GRAMD2B: variants seen among roughly 807,000 people sequenced by gnomAD.
The protein encoded by GRAMD2B is GRAM domain containing 2B, also known as GRAM domain-containing protein 2B.
GRAMD2B carries 41 observed loss-of-function variants against 59.2 expected under a neutral mutation model. That is an observed-to-expected ratio of 0.69 (90% CI 0.54 to 0.90). The LOEUF (loss-of-function observed/expected upper bound fraction) is 0.90. GRAMD2B is among the 40% of genes least tolerant of loss of function. GRAMD2B has a pLI of 0.00. For missense variants in GRAMD2B, 424 were observed against 500.5 expected, an observed-to-expected ratio of 0.85 and a Z score of 1.46; for synonymous variants, 161 against 182.7, an observed-to-expected ratio of 0.88 and a Z score of 0.96.
In GRAMD2B at chr5:126,494,061, C is replaced by T. The variant is rs975353751; in HGVS notation, c.*1105C>T. The T allele has an allele frequency of 3.3e-5, 5 of 152,522 alleles. No individual in the cohort carries two copies. In the South Asian group the frequency reaches 6.2e-4, roughly 19 times the overall value. The allele number at this position is 152,522 out of a possible 1,614,324, so 9.4% of individuals were successfully genotyped here. A position where few individuals can be genotyped will look rare whatever the true frequency, so the allele number is the denominator to read the frequency against. On this transcript the variant is annotated 3_prime_UTR_variant, in exon 14 of 14. Transcript: ENST00000285689. The stretch of plus-strand genomic sequence containing the variant: ...TTATTTAATCAGATAAGCTAATAAG[C>T]GAATTGGTTACATCGTTTGTATCTG...
At chr5:126,398,936 A>G (rs905870749) in intron 1 of GRAMD2B, among the ~76,000 whole-genome samples, 1 of 152,164 alleles carries the variant, frequency 6.6e-6, no homozygotes, top group African/African-American at 2.4e-5. Context: ...CTCTAGTTTC[A>G]TTCCATTGTG....
chr5:126,470,851 C>T (rs2126823994), intron 3 of GRAMD2B, among the ~76,000 whole-genome samples: 1 of 152,310 alleles, frequency 6.6e-6, no homozygotes, highest in East Asian at 1.9e-4. Context: ...TGAGCCACCG[C>T]ACTCAGCCTG....
At chr5:126,477,190 T>C (rs193026018) in intron 5 of GRAMD2B, among the ~76,000 whole-genome samples, 9 of 152,272 alleles carry the variant, frequency 5.9e-5, no homozygotes, top group Non-Finnish European at 1.2e-4. Context: ...TTTGGATTTA[T>C]GATTTTCAGA....
intron 1 of GRAMD2B, among the ~76,000 whole-genome samples, chr5:126,410,915 G>A (rs1039656212): frequency 2.0e-5 from 3 of 152,010 alleles, no homozygotes; most frequent in African/African-American, 7.2e-5. Flanking sequence ...CTTCTTTTGA[G>A]AAGTATCTGG....
intron 1 of GRAMD2B, among the ~76,000 whole-genome samples, chr5:126,456,074 T>G (rs1053870676): frequency 3.9e-5 from 6 of 152,248 alleles, no homozygotes; most frequent in Non-Finnish European, 5.9e-5. Context: ...CCACTCTGTA[T>G]CTCACATCTT....
intron 13 of GRAMD2B, among the ~76,000 whole-genome samples, chr5:126,489,427 G>A (rs79399502): frequency 0.02 from 3,071 of 152,346 alleles, 39 homozygotes; most frequent in Middle Eastern, 0.065. Context: ...GCAGACGTGA[G>A]TCTGCTGAGA....
upstream of GRAMD2B, among the ~76,000 whole-genome samples, chr5:126,420,614 A>AAT (rs202207785): frequency 8.3e-3 from 1,263 of 152,334 alleles, 22 homozygotes; most frequent in African/African-American, 0.029. Flanking sequence ...TTGAGCCATA[A>AAT]GCCCATGCTA....
Position 126,484,484 on chromosome 5 carries a change from C to T in GRAMD2B, c.930C>T (p.Asn310=). The T allele has an allele frequency of 1.2e-6, 2 of 1,614,092 alleles. No homozygotes were observed. The highest frequency in any genetic ancestry group is 1.7e-6 in the Non-Finnish European group (2 of 1,180,012). Residue 310 remains asparagine (N), a synonymous_variant, in exon 10 of 14, where the codon AAC becomes AAT. Transcript: ENST00000285689. ...AKPTRADAHV[N]RVPEGKAKSL... ...CAACTCGGGCAGATGCCCATGTGAACAGAGTACCTGAAGGAAAAGCCAAGA... is the reference window on the plus strand; with the variant it reads ...CAACTCGGGCAGATGCCCATGTGAATAGAGTACCTGAAGGAAAAGCCAAGA...
intron 10 of GRAMD2B, 49 bp from the exon 11 acceptor site, chr5:126,485,637 G>A (rs376324601): frequency 8.7e-7 from 1 of 1,155,990 alleles, no homozygotes. Flanking sequence ...CTGGATAAAA[G>A]AAGTGTGTTA....
intron 8 of GRAMD2B, 40 bp from the exon 9 acceptor site, chr5:126,483,423 G>A (rs1772252080): frequency 7.9e-7 from 1 of 1,258,772 alleles, no homozygotes; most frequent in African/African-American, 1.5e-5. Flanking sequence ...TGTTTACTAA[G>A]GGAATATCAG....
chr5:126,486,670 G>A (rs564986290), intron 11 of GRAMD2B, among the ~76,000 whole-genome samples: 86 of 152,250 alleles, frequency 5.6e-4, no homozygotes, highest in African/African-American at 2.0e-3. Context: ...AAGGGACTTG[G>A]GCTAGAGGAT....
chr5:126,387,104 A>G (rs942205904), intron 1 of GRAMD2B, among the ~76,000 whole-genome samples: 3 of 152,154 alleles, frequency 2.0e-5, no homozygotes, highest in Non-Finnish European at 4.4e-5. Context: ...CCAAACTTGA[A>G]GAGTCAAAAA....
chr5:126,457,534 G>A (rs1355870786), intron 1 of GRAMD2B, among the ~76,000 whole-genome samples: 3 of 151,932 alleles, frequency 2.0e-5, no homozygotes, highest in Non-Finnish European at 4.4e-5. Context: ...AGGAGACTGA[G>A]GCAGAAGAAT....
At chr5:126,413,039 T>C (rs1758954022) in intron 1 of GRAMD2B, among the ~76,000 whole-genome samples, 3 of 152,102 alleles carry the variant, frequency 2.0e-5, no homozygotes, top group South Asian at 4.1e-4. Flanking sequence ...TGATCTTGTT[T>C]ATCCTTTCAA....
chr5:126,448,744 C>T (rs181724523), intron 1 of GRAMD2B, among the ~76,000 whole-genome samples: 42 of 152,052 alleles, frequency 2.8e-4, no homozygotes, highest in African/African-American at 9.4e-4. Flanking sequence ...GGTGTCTGAC[C>T]GGGCTTGGAA....
upstream of GRAMD2B, among the ~76,000 whole-genome samples, chr5:126,419,611 A>T (rs1358577631): frequency 6.6e-6 from 1 of 152,220 alleles, no homozygotes; most frequent in Admixed American, 6.5e-5. Flanking sequence ...ACAGATGCAC[A>T]GTGTATGTGC....
chr5:126,399,086 G>C (rs1757606055), intron 1 of GRAMD2B, among the ~76,000 whole-genome samples: 1 of 152,128 alleles, frequency 6.6e-6, no homozygotes, highest in African/African-American at 2.4e-5. Flanking sequence ...TGAGTGGAAA[G>C]TTCTATGTAA....
chr5:126,364,338 A>G (rs1355389197), intron 1 of GRAMD2B, among the ~76,000 whole-genome samples: 1 of 152,214 alleles, frequency 6.6e-6, no homozygotes, highest in Non-Finnish European at 1.5e-5. Context: ...AAATTCCTGA[A>G]ATTCAGAAAA....
chr5:126,360,489 C>T (rs1333371788), intron 1 of GRAMD2B: 4 of 1,545,424 alleles, frequency 2.6e-6, no homozygotes, highest in Non-Finnish European at 3.5e-6. Context: ...CCTGGAAAAA[C>T]CATTTGGGAG....
Sources: gnomAD v4.1 joint callset for allele counts (sites outside exome capture counted in the v4.1 genomes callset) on GRCh38, gnomAD v4.1.1 for gene constraint, MANE v1.5 for transcripts, NCBI Gene and HGNC (gene_info 2026-07-23, HGNC 2026-07-21) for gene names.